NEB: variants seen among roughly 807,000 people sequenced by gnomAD.
The protein encoded by NEB is nebulin, also known as nemaline myopathy type 2.
NEB carries 512 observed loss-of-function variants against 952.2 expected under a neutral mutation model. The observed-to-expected ratio is 0.54, with a 90% CI of 0.50 to 0.58. The LOEUF (loss-of-function observed/expected upper bound fraction) is 0.58, where lower values mean the gene tolerates loss of function less well. NEB is among the 20% of genes least tolerant of loss of function. The pLI, the probability that NEB is intolerant of heterozygous loss-of-function variation, is 0.00. For synonymous variants in NEB, 2,900 were observed against 3,149.8 expected (o/e 0.92, Z 2.66); for missense variants, 8,428 against 9,231.1 (o/e 0.91, Z 3.56).
At position 151,675,383 on chromosome 2, in the gene NEB, G is replaced by A; in HGVS notation, c.3783C>T (p.Tyr1261=). The change falls in exon 35 of 182, where the codon TAC becomes TAT. Residue 1261 remains tyrosine (Y), a synonymous_variant. Coordinates refer to ENST00000397345, the MANE Select transcript of NEB (RefSeq NM_001164508.2). ...QNTKQVSDIL[Y]KAKGEDVKHK... ...GTTTCACATCTTCTCCTTTAGCCTT[G>A]TATAAGATCTGCAATAAAATGCATT... The A allele has an allele frequency of 6.4e-7, 1 of 1,565,292 alleles. No homozygotes were observed. Among genetic ancestry groups the A allele is most frequent in the Non-Finnish European group, 8.7e-7 (1 of 1,150,072 alleles).
intron 9 of NEB, among the ~76,000 whole-genome samples, chr2:151,717,871 T>TTC (rs1440514783): frequency 2.0e-5 from 3 of 151,296 alleles, no homozygotes; most frequent in Non-Finnish European, 3.0e-5. Flanking sequence ...TTTTTTTTTT[T>TTC]GAGACGGAGT....
chr2:151,562,487 T>G (rs1186056119), intron 120 of NEB, 124 bp downstream of exon 120: 1 of 1,049,522 alleles, frequency 9.5e-7, no homozygotes, highest in Non-Finnish European at 1.3e-6. Flanking sequence ...TGCCACTTTG[T>G]TTTGAGAAGC....
intron 64 of NEB, among the ~76,000 whole-genome samples, chr2:151,635,303 T>C (rs367591953): frequency 1.3e-5 from 2 of 152,138 alleles, no homozygotes; most frequent in South Asian, 2.1e-4. Context: ...AAGATTCCAA[T>C]ATAAAGGACA....
At chr2:151,605,208 G>A (rs1249132196) in intron 84 of NEB, among the ~76,000 whole-genome samples, 3 of 128,050 alleles carry the variant, frequency 2.3e-5, no homozygotes, top group African/African-American at 5.2e-5. Flanking sequence ...CATGTTTTTC[G>A]GTCAAAAATC....
rs1438846790 is a variant in NEB at position 151,547,415 on chromosome 2, TAC to T, written c.20367+12_20367+13del. The T allele has an allele frequency of 1.9e-6, 3 of 1,569,098 alleles. No individual in the cohort carries two copies. In the African/African-American group the frequency reaches 4.1e-5, roughly 21 times the overall value. ...GGTAAGACTACTCCAGAAAGACCCC[TAC>T]GAGATGCTTACATCACTGGTGATGT... On this transcript the variant is annotated intron_variant, in intron 133 of 181. Coordinates refer to ENST00000397345, the MANE Select transcript of NEB (RefSeq NM_001164508.2).
intron 48 of NEB, 136 bp from the exon 49 acceptor site, chr2:151,656,600 AC>A: frequency 3.8e-6 from 1 of 261,652 alleles, no homozygotes; most frequent in Middle Eastern, 1.2e-3. Flanking sequence ...TCTATAGTTC[AC>A]AGACTAATTT....
rs1222436469 is a variant in NEB, at chr2:151,612,317, T to C, written c.11674A>G (p.Lys3892Glu). Residue 3892 changes from lysine (K) to glutamate (E), a missense_variant, in exon 78 of 182, where the codon AAA becomes GAA. Physicochemically the swap from Lys to Glu is moderately conservative, Grantham distance 56 (BLOSUM62 1). Coordinates refer to ENST00000397345, the MANE Select transcript of NEB (RefSeq NM_001164508.2). ...AGGATTTCTCCAGCTCTCTTCACTTTCTCGACCTCTACAGAGCCAATGGGA... is the reference window on the plus strand; with the variant it reads ...AGGATTTCTCCAGCTCTCTTCACTTCCTCGACCTCTACAGAGCCAATGGGA... ...WVPIGSVEVE[K>E]VKRAGEILSD... The C allele has an allele frequency of 1.2e-6, 2 of 1,613,758 alleles. No individual in the cohort carries two copies. Among genetic ancestry groups the C allele is most frequent in the African/African-American group, 2.7e-5 (2 of 74,920 alleles).
chr2:151,610,889 G>A, intron 78 of NEB, 23 bp from the exon 79 acceptor site: 3 of 1,479,606 alleles, frequency 2.0e-6, no homozygotes, highest in Middle Eastern at 1.8e-4. Flanking sequence ...GCGGCATGGG[G>A]CATGGGGAGA....
intron 34 of NEB, among the ~76,000 whole-genome samples, chr2:151,676,494 C>G (rs1254533047): frequency 6.6e-6 from 1 of 152,212 alleles, no homozygotes; most frequent in African/African-American, 2.4e-5. Flanking sequence ...TAAACATATT[C>G]AACATCTCTT....
intron 176 of NEB, chr2:151,492,698 C>CT (rs1212470510): frequency 1.0e-5 from 4 of 383,844 alleles, no homozygotes; most frequent in Non-Finnish European, 1.9e-5. Context: ...CTTGTTTTGA[C>CT]TTCGAAAATG....
chr2:151,655,669 C>G, intron 50 of NEB, 148 bp downstream of exon 50: 1 of 737,624 alleles, frequency 1.4e-6, no homozygotes, highest in Non-Finnish European at 2.2e-6. Context: ...AAGAGATGGG[C>G]AGAAGAAGAT....
Position 151,492,146 on chromosome 2 carries a change from C to G in NEB, c.25009G>C (p.Val8337Leu), listed in dbSNP as rs377336846. 1 of 1,613,922 alleles carries G rather than the reference C, an allele frequency of 6.2e-7. No homozygotes were observed. The highest frequency in any genetic ancestry group is 1.3e-5 in the African/African-American group (1 of 75,026). The change falls in exon 178 of 182, where the codon GTA becomes CTA. Residue 8337 changes from valine (V) to leucine (L), a missense_variant. Around this residue, in one of 11 missense-constraint regions of NEB, gnomAD observed 3,374 missense variants for 3,651.5 expected, o/e 0.92. Transcript: ENST00000397345. ...INYRGIQRKVVEMEQKRNDQD... is the reference protein window; with the variant it reads ...INYRGIQRKVLEMEQKRNDQD... ...TCATTCCGTTTTTGTTCCATTTCTACCACTTTCCTCTGAATACCTCGGTAG... is the reference window on the plus strand; with the variant it reads ...TCATTCCGTTTTTGTTCCATTTCTAGCACTTTCCTCTGAATACCTCGGTAG...
At chr2:151,528,868 A>G (rs954954404) in intron 146 of NEB, among the ~76,000 whole-genome samples, 1 of 152,180 alleles carries the variant, frequency 6.6e-6, no homozygotes, top group Admixed American at 6.5e-5. Flanking sequence ...AGGCAGGAGG[A>G]GAGCACAGGG....
intron 169 of NEB, among the ~76,000 whole-genome samples, chr2:151,498,574 G>T (rs939634169): frequency 6.6e-6 from 1 of 152,084 alleles, no homozygotes; most frequent in Non-Finnish European, 1.5e-5. Flanking sequence ...GAAAAGAAAG[G>T]TTGTTATTTT....
At chr2:151,555,135 G>A (rs980459435) in intron 124 of NEB, 91 bp from the exon 125 acceptor site, 19 of 869,138 alleles carry the variant, frequency 2.2e-5, no homozygotes, top group African/African-American at 5.0e-5. Context: ...GGAAAAACCC[G>A]ACTCTGAGAT....
At position 151,526,195 on chromosome 2, in the gene NEB, A is replaced by C; in HGVS notation, c.22013T>G (p.Ile7338Ser). The C allele has an allele frequency of 6.2e-7, 1 of 1,613,916 alleles. No homozygotes were observed. The highest frequency in any genetic ancestry group is 8.5e-7 in the Non-Finnish European group (1 of 1,179,836). ...GTTGCTGACAGTCTTCGCCAGCAGG[A>C]TCTGAGGCGTGTCAGGTACGGCATG... The part of the protein sequence containing the change: ...TCHAVPDTPQ[I>S]LLAKTVSNLV... Residue 7338 changes from isoleucine to serine, a missense_variant, in exon 149 of 182, where the codon ATC becomes AGC. Transcript: ENST00000397345.
intron 135 of NEB, among the ~76,000 whole-genome samples, chr2:151,544,709 G>A (rs949929443): frequency 6.6e-6 from 1 of 152,218 alleles, no homozygotes; most frequent in Non-Finnish European, 1.5e-5. Context: ...AGTGTAGGAA[G>A]CTGCATATCC....
chr2:151,551,668 GCTCA>G, intron 129 of NEB, 66 bp downstream of exon 129: 1 of 1,228,632 alleles, frequency 8.1e-7, no homozygotes, highest in East Asian at 2.3e-5. Flanking sequence ...GAGGAAGCAA[GCTCA>G]GCTTGCTTCC....
At position 151,570,577 on chromosome 2, in the gene NEB, C is replaced by T; in HGVS notation, c.17038G>A (p.Glu5680Lys). Reference sequence around the variant, plus strand: ...CGGACATCACAGCCCGCCTTCATTTCATCCCAGCCCTCACGGTAAAGTTTC... The same window carrying T: ...CGGACATCACAGCCCGCCTTCATTTTATCCCAGCCCTCACGGTAAAGTTTC... ...SNKLYREGWD[E>K]MKAGCDVRLD... Residue 5680 changes from glutamate (E) to lysine (K), a missense_variant, in exon 108 of 182, where the codon GAA becomes AAA. Around this residue, in one of 11 missense-constraint regions of NEB, gnomAD observed 3,374 missense variants for 3,651.5 expected, o/e 0.92. Transcript: ENST00000397345. 2 of 1,602,232 alleles carry T rather than the reference C, an allele frequency of 1.2e-6. No individual in the cohort carries two copies. The highest frequency in any genetic ancestry group is 1.7e-6 in the Non-Finnish European group (2 of 1,174,406).
Sources: allele counts gnomAD v4.1 joint callset (sites outside exome capture counted in the v4.1 genomes callset), GRCh38; gene constraint gnomAD v4.1.1; regional missense constraint gnomAD v4.1.1; transcripts MANE v1.5; gene names NCBI Gene and HGNC (gene_info 2026-07-23, HGNC 2026-07-21).